The following ULK4 variants were observed in gnomAD, a reference collection of about 807,000 sequenced individuals.
ULK4 encodes inactive serine/threonine-protein kinase ULK4.
In ULK4, 133 loss-of-function variants were observed where a neutral mutation model predicts 160.6. That is an observed-to-expected ratio of 0.83 (90% confidence interval 0.72 to 0.96). The LOEUF (loss-of-function observed/expected upper bound fraction) is 0.96, where lower values mean the gene tolerates loss of function less well. ULK4 is among the 40% of genes least tolerant of loss of function. The pLI is 0.00. For synonymous variants in ULK4, 534 were observed against 539.8 expected, an observed-to-expected ratio of 0.99 and a Z score of 0.15; for missense variants, 1,580 against 1,499.5, an observed-to-expected ratio of 1.05 and a Z score of -0.89.
intron 32 of ULK4, among the ~76,000 whole-genome samples, chr3:41,536,272 G>A (rs1351631357): frequency 1.3e-5 from 2 of 152,128 alleles, no homozygotes; most frequent in African/African-American, 4.8e-5. Flanking sequence ...TTCTCAATGA[G>A]ATATGATGAG....
At chr3:41,264,633 C>T (rs577044956) in intron 35 of ULK4, among the ~76,000 whole-genome samples, 1 of 152,202 alleles carries the variant, frequency 6.6e-6, no homozygotes, top group Admixed American at 6.5e-5. Context: ...AAGTACTCTT[C>T]AAAGAAGGGG....
intron 32 of ULK4, among the ~76,000 whole-genome samples, chr3:41,470,033 A>C (rs1032710685): frequency 1.6e-4 from 24 of 146,298 alleles, no homozygotes; most frequent in South Asian, 1.1e-3. Context: ...AAAAAAAAAA[A>C]AAAAAAAAAA....
At chr3:41,949,333 CACAA>C (rs954543519) in intron 2 of ULK4, among the ~76,000 whole-genome samples, 14 of 151,726 alleles carry the variant, frequency 9.2e-5, no homozygotes, top group South Asian at 2.1e-4. Context: ...CACACACACA[CACAA>C]AAAGTAAAGT....
intron 35 of ULK4, among the ~76,000 whole-genome samples, chr3:41,305,198 CTCTCCCTCTCCCCACGG>C (rs1266350129): frequency 9.2e-6 from 1 of 108,870 alleles, no homozygotes; most frequent in African/African-American, 4.3e-5. Context: ...CTCCCTCTCC[CTCTCCCTCTCCCCACGG>C]TCTCCCTCTC....
rs753732947 is a variant in ULK4, at chr3:41,900,841, A to G, written c.1183-12T>C. 134 of 1,604,154 alleles carry G rather than the reference A, an allele frequency of 8.4e-5. No homozygotes were observed. In the Middle Eastern group the frequency reaches 4.0e-3, roughly 48 times the overall value. On this transcript the variant is annotated splice_polypyrimidine_tract_variant and intron_variant, in intron 12 of 36. Coordinates refer to ENST00000301831, the MANE Select transcript of ULK4 (RefSeq NM_017886.4). ...TGTCCACTTGTAATCTGAAATGAGAACAAAAATTAGACTTTGTTTCTGCGA... is the reference window on the plus strand; with the variant it reads ...TGTCCACTTGTAATCTGAAATGAGAGCAAAAATTAGACTTTGTTTCTGCGA...
At chr3:41,613,549 A>C (rs1260275903) in intron 31 of ULK4, among the ~76,000 whole-genome samples, 1 of 152,224 alleles carries the variant, frequency 6.6e-6, no homozygotes, top group Non-Finnish European at 1.5e-5. Flanking sequence ...AGAATCAAGA[A>C]AACACTGTAT....
At chr3:41,696,304 C>T (rs1246517932) in intron 27 of ULK4, among the ~76,000 whole-genome samples, 1 of 152,154 alleles carries the variant, frequency 6.6e-6, no homozygotes, top group South Asian at 2.1e-4. Flanking sequence ...ATAACAGTAG[C>T]AAAATTAGTG....
chr3:41,422,740 A>T (rs963077156), intron 34 of ULK4, among the ~76,000 whole-genome samples: 1 of 152,196 alleles, frequency 6.6e-6, no homozygotes, highest in Non-Finnish European at 1.5e-5. Context: ...CTGTTTAATT[A>T]GAGTATAAAC....
chr3:41,859,493 C>T (rs952456444), intron 17 of ULK4: 4 of 548,246 alleles, frequency 7.3e-6, no homozygotes, highest in Middle Eastern at 4.0e-4. Context: ...ATGATAACTT[C>T]CCAGTAAGGA....
chr3:41,864,393 T>G (rs1449105733), intron 17 of ULK4, among the ~76,000 whole-genome samples: 1 of 149,608 alleles, frequency 6.7e-6, no homozygotes, highest in Non-Finnish European at 1.5e-5. Context: ...GTTTTGTTTT[T>G]GGTGCCTCTT....
At chr3:41,364,420 A>G (rs2081211365) in intron 35 of ULK4, among the ~76,000 whole-genome samples, 1 of 152,206 alleles carries the variant, frequency 6.6e-6, no homozygotes, top group South Asian at 2.1e-4. Flanking sequence ...TTACATTATT[A>G]AGGCATCAGT....
chr3:41,366,081 T>C (rs1477382009), intron 35 of ULK4, among the ~76,000 whole-genome samples: 4 of 152,170 alleles, frequency 2.6e-5, no homozygotes, highest in Non-Finnish European at 5.9e-5. Flanking sequence ...AGGCTAATAA[T>C]GGCACCATTT....
At chr3:41,831,012 TTTTA>T (rs1043705438) in intron 18 of ULK4, among the ~76,000 whole-genome samples, 19 of 96,996 alleles carry the variant, frequency 2.0e-4, no homozygotes, top group East Asian at 2.8e-4. Flanking sequence ...TTATTATTTT[TTTTA>T]TTTATTTATT....
At chr3:41,382,403 T>G (rs1409065688) in intron 35 of ULK4, among the ~76,000 whole-genome samples, 1 of 152,214 alleles carries the variant, frequency 6.6e-6, no homozygotes, top group African/African-American at 2.4e-5. Flanking sequence ...TAGAATGACT[T>G]CATAATATTG....
At chr3:41,556,469 C>T (rs1051485107) in intron 32 of ULK4, among the ~76,000 whole-genome samples, 1 of 142,596 alleles carries the variant, frequency 7.0e-6, no homozygotes, top group Non-Finnish European at 1.5e-5. Flanking sequence ...GATGACTTCG[C>T]AAAGAAACTC....
intron 31 of ULK4, among the ~76,000 whole-genome samples, chr3:41,606,746 G>T (rs1372765980): frequency 6.6e-6 from 1 of 151,874 alleles, no homozygotes; most frequent in Non-Finnish European, 1.5e-5. Context: ...CATAAACTTG[G>T]CCATCTGTAT....
chr3:41,395,482 T>C (rs2082039532), intron 35 of ULK4, among the ~76,000 whole-genome samples: 1 of 152,122 alleles, frequency 6.6e-6, no homozygotes, highest in African/African-American at 2.4e-5. Flanking sequence ...ACATCATGAA[T>C]TAACCTTGAA....
At chr3:41,558,335 T>A (rs2087386590) in intron 32 of ULK4, among the ~76,000 whole-genome samples, 1 of 152,124 alleles carries the variant, frequency 6.6e-6, no homozygotes, top group Non-Finnish European at 1.5e-5. Context: ...GCAATATTTA[T>A]CACGGGGGTA....
At chr3:41,366,179 C>A (rs1246907080) in intron 35 of ULK4, among the ~76,000 whole-genome samples, 1 of 152,176 alleles carries the variant, frequency 6.6e-6, no homozygotes, top group East Asian at 1.9e-4. Context: ...CTGGGCAACA[C>A]AGAAGGAATC....
Sources: gnomAD v4.1 joint callset for allele counts (sites outside exome capture counted in the v4.1 genomes callset) on GRCh38, gnomAD v4.1.1 for gene constraint, MANE v1.5 for transcripts, NCBI Gene and HGNC (gene_info 2026-07-23, HGNC 2026-07-21) for gene names.